Variants in FSTL4 observed in about 807,000 individuals in gnomAD.
FSTL4 encodes follistatin like 4, also known as follistatin-related protein 4.
In FSTL4, 28 loss-of-function variants were observed where a neutral mutation model predicts 78.2. The ratio of observed to expected loss-of-function variants is 0.36; its 90% CI spans 0.27 to 0.49. FSTL4 has a LOEUF of 0.49. Ranked by LOEUF, FSTL4 falls within the 20% of genes least tolerant of loss-of-function variation. The probability of loss-of-function intolerance (pLI) is 0.98; values close to 1 mark genes in which losing one functional copy is unlikely to be tolerated. For missense variants in FSTL4, 922 were observed against 1,084.9 expected, an observed-to-expected ratio of 0.85 and a Z score of 2.11; for synonymous variants, 422 against 440.5, an observed-to-expected ratio of 0.96 and a Z score of 0.53.
chr5:133,675,239 G>A, the FSTL4 span, among the ~76,000 whole-genome samples: 3 of 152,182 alleles, frequency 2.0e-5, no homozygotes, highest in Non-Finnish European at 4.4e-5. Flanking sequence ...AAAGGAGCTC[G>A]TGTGAGAAAG....
intron 6 of FSTL4, among the ~76,000 whole-genome samples, chr5:133,263,500 G>T (rs2126837962): frequency 6.6e-6 from 1 of 152,240 alleles, no homozygotes; most frequent in Admixed American, 6.5e-5. Context: ...GCCCAGTGTG[G>T]CCGAGAGCTC....
chr5:133,785,682 C>T, the FSTL4 span, among the ~76,000 whole-genome samples: 5 of 152,186 alleles, frequency 3.3e-5, no homozygotes, highest in Admixed American at 6.5e-5. Flanking sequence ...ATGAGAAACA[C>T]GGGGCCCTCA....
chr5:133,758,252 G>A, the FSTL4 span, among the ~76,000 whole-genome samples: 12 of 152,136 alleles, frequency 7.9e-5, no homozygotes, highest in African/African-American at 2.9e-4. Flanking sequence ...AACTAGGAAG[G>A]TTGAGAATAG....
intron 2 of FSTL4, among the ~76,000 whole-genome samples, chr5:133,591,162 T>C (rs560807586): frequency 1.3e-5 from 2 of 152,156 alleles, no homozygotes; most frequent in South Asian, 4.2e-4. Context: ...GCCAAGCCTG[T>C]TTTACAGCCT....
chr5:133,642,629 C>G, the FSTL4 span, among the ~76,000 whole-genome samples: 1 of 152,172 alleles, frequency 6.6e-6, no homozygotes, highest in African/African-American at 2.4e-5. Context: ...AATGCATATG[C>G]AAATTTTGCA....
At chr5:133,822,195 A>G in the FSTL4 span, among the ~76,000 whole-genome samples, 1 of 152,234 alleles carries the variant, frequency 6.6e-6, no homozygotes, top group Non-Finnish European at 1.5e-5. Context: ...TCCAAAGTGC[A>G]CATCTTTAAT....
At chr5:133,517,479 C>CAACACA (rs757109238) in intron 3 of FSTL4, among the ~76,000 whole-genome samples, 1 of 55,532 alleles carries the variant, frequency 1.8e-5, no homozygotes, top group Non-Finnish European at 3.1e-5. Flanking sequence ...CACACACACA[C>CAACACA]CACACACACA....
chr5:133,579,761 A>G (rs763954696), intron 2 of FSTL4, among the ~76,000 whole-genome samples: 1 of 152,222 alleles, frequency 6.6e-6, no homozygotes, highest in Non-Finnish European at 1.5e-5. Flanking sequence ...ATTAAAAGAC[A>G]AAAAAGGAAG....
intron 3 of FSTL4, among the ~76,000 whole-genome samples, chr5:133,515,745 G>A (rs980078249): frequency 2.6e-5 from 4 of 151,158 alleles, no homozygotes; most frequent in African/African-American, 9.7e-5. Context: ...GTAAAAATTA[G>A]TATTTAGAAC....
At chr5:133,699,664 G>A in the FSTL4 span, among the ~76,000 whole-genome samples, 1 of 152,080 alleles carries the variant, frequency 6.6e-6, no homozygotes, top group Non-Finnish European at 1.5e-5. Flanking sequence ...GGAGGATCAC[G>A]AGGTCAGGAG....
the FSTL4 span, among the ~76,000 whole-genome samples, chr5:133,626,843 A>C: frequency 6.6e-6 from 1 of 152,118 alleles, no homozygotes; most frequent in Admixed American, 6.6e-5. Flanking sequence ...CACACTTTTA[A>C]AAATGTGTAT....
At chr5:133,558,472 C>G (rs536466102) in intron 3 of FSTL4, among the ~76,000 whole-genome samples, 3 of 152,198 alleles carry the variant, frequency 2.0e-5, no homozygotes, top group Admixed American at 1.3e-4. Flanking sequence ...GACCCCGGCC[C>G]AGGTCTCCCC....
the FSTL4 span, among the ~76,000 whole-genome samples, chr5:133,645,668 AT>A: frequency 2.6e-5 from 4 of 152,138 alleles, no homozygotes; most frequent in African/African-American, 9.7e-5. Flanking sequence ...TTTGTCCTGA[AT>A]TACCTAGGCA....
intron 3 of FSTL4, among the ~76,000 whole-genome samples, chr5:133,450,798 T>C (rs1217259509): frequency 6.6e-6 from 1 of 152,134 alleles, no homozygotes; most frequent in African/African-American, 2.4e-5. Context: ...CCTTTTCAGA[T>C]CAGATCCATC....
chr5:133,830,954 C>T, the FSTL4 span, among the ~76,000 whole-genome samples: 1 of 152,136 alleles, frequency 6.6e-6, no homozygotes, highest in Non-Finnish European at 1.5e-5. Flanking sequence ...GCATCCAGGG[C>T]CTCCCAGCTC....
chr5:133,697,424 C>G, the FSTL4 span, among the ~76,000 whole-genome samples: 1 of 152,182 alleles, frequency 6.6e-6, no homozygotes, highest in Non-Finnish European at 1.5e-5. Context: ...ACCATGCTGA[C>G]CTCTTCCCAA....
intron 6 of FSTL4, among the ~76,000 whole-genome samples, chr5:133,284,530 C>A (rs1753083836): frequency 6.6e-6 from 1 of 152,214 alleles, no homozygotes; most frequent in Admixed American, 6.5e-5. Context: ...AGTCTCCTCC[C>A]TCTACATCCT....
At chr5:133,363,566 A>G (rs1011767594) in intron 4 of FSTL4, among the ~76,000 whole-genome samples, 1 of 152,140 alleles carries the variant, frequency 6.6e-6, no homozygotes, top group African/African-American at 2.4e-5. Context: ...AGGTCTAACT[A>G]TATTAAGTGC....
At chr5:133,418,789 T>C (rs1263513018) in intron 3 of FSTL4, among the ~76,000 whole-genome samples, 1 of 152,216 alleles carries the variant, frequency 6.6e-6, no homozygotes, top group Admixed American at 6.5e-5. Flanking sequence ...ATATACAGCA[T>C]ACAATTTGAA....
Sources: allele counts gnomAD v4.1 joint callset (sites outside exome capture counted in the v4.1 genomes callset), GRCh38; gene constraint gnomAD v4.1.1; transcripts MANE v1.5; gene names NCBI Gene and HGNC (gene_info 2026-07-23, HGNC 2026-07-21).